Variants in CXCL13 observed in about 807,000 individuals in gnomAD.
CXCL13 encodes the protein C-X-C motif chemokine ligand 13.
In CXCL13, 7 loss-of-function variants were observed where a neutral mutation model predicts 12.2. The ratio of observed to expected loss-of-function variants is 0.57; its 90% CI spans 0.33 to 1.07. CXCL13 has a LOEUF of 1.07. Ranked by LOEUF, CXCL13 falls within the 50% of genes least tolerant of loss-of-function variation. CXCL13 has a pLI of 0.04. For synonymous variants in CXCL13, 47 were observed against 42.4 expected, an observed-to-expected ratio of 1.11 and a Z score of -0.42; for missense variants, 113 against 127.4, an observed-to-expected ratio of 0.89 and a Z score of 0.55.
chr4:77,609,696 G>A (rs1334317396), intron 2 of CXCL13, among the ~76,000 whole-genome samples: 1 of 152,160 alleles, frequency 6.6e-6, no homozygotes, highest in Non-Finnish European at 1.5e-5. Context: ...GAGTCTCCCA[G>A]TTTTCTGCTG....
intron 2 of CXCL13, among the ~76,000 whole-genome samples, chr4:77,609,352 G>T (rs1261985324): frequency 6.6e-6 from 1 of 151,790 alleles, no homozygotes; most frequent in African/African-American, 2.4e-5. Flanking sequence ...TCACTCTGCT[G>T]CCCAGGCTGG....
intron 1 of CXCL13, among the ~76,000 whole-genome samples, chr4:77,546,439 T>C (rs143450344): frequency 1.3e-5 from 2 of 152,222 alleles, no homozygotes; most frequent in African/African-American, 4.8e-5. Context: ...GTTATTGGTC[T>C]ATTCAGGGAT....
intron 1 of CXCL13, among the ~76,000 whole-genome samples, chr4:77,517,809 T>A (rs1047071876): frequency 6.6e-6 from 1 of 152,220 alleles, no homozygotes; most frequent in African/African-American, 2.4e-5. Flanking sequence ...CCATTTACAT[T>A]TAAAGTTAAT....
intron 1 of CXCL13, 147 bp downstream of exon 1, chr4:77,606,076 G>A (rs987674751): frequency 1.3e-4 from 61 of 460,408 alleles, no homozygotes; most frequent in Non-Finnish European, 2.1e-4. Context: ...AAAGTAAGGT[G>A]TTTAGGAATT....
At chr4:77,516,793 G>A (rs183041215) in intron 1 of CXCL13, among the ~76,000 whole-genome samples, 1 of 151,792 alleles carries the variant, frequency 6.6e-6, no homozygotes, top group Admixed American at 6.6e-5. Context: ...AAGGGTTTTT[G>A]TGTCTCTATT....
At chr4:77,535,505 G>T (rs931172536) in intron 1 of CXCL13, among the ~76,000 whole-genome samples, 1 of 152,160 alleles carries the variant, frequency 6.6e-6, no homozygotes, top group African/African-American at 2.4e-5. Context: ...TGAAGTGATG[G>T]AGACTATGTT....
chr4:77,609,100 G>T (rs1474025919), intron 2 of CXCL13, among the ~76,000 whole-genome samples: 1 of 152,156 alleles, frequency 6.6e-6, no homozygotes. Flanking sequence ...GAGTCCAGAT[G>T]ATCAGAAATC....
intron 2 of CXCL13, among the ~76,000 whole-genome samples, chr4:77,608,451 A>AAAAAG (rs1553918624): frequency 2.6e-5 from 4 of 151,984 alleles, no homozygotes; most frequent in East Asian, 1.9e-4. Context: ...AAAAAAAAAA[A>AAAAAG]AAAGAAAGAA....
At chr4:77,549,529 G>A (rs537125048) in intron 1 of CXCL13, among the ~76,000 whole-genome samples, 1 of 152,172 alleles carries the variant, frequency 6.6e-6, no homozygotes, top group African/African-American at 2.4e-5. Flanking sequence ...TGGTGTGGAT[G>A]TTCTTTTGTT....
At chr4:77,595,098 A>ATTT (rs58429511) in intron 1 of CXCL13, among the ~76,000 whole-genome samples, 163 of 141,422 alleles carry the variant, frequency 1.2e-3, no homozygotes, top group African/African-American at 3.8e-3. Flanking sequence ...GTTTTAGGTG[A>ATTT]TTTTTTTTTT....
chr4:77,590,953 C>T (rs965892448), intron 1 of CXCL13, among the ~76,000 whole-genome samples: 1 of 152,160 alleles, frequency 6.6e-6, no homozygotes, highest in Non-Finnish European at 1.5e-5. Flanking sequence ...TACCTTGGCT[C>T]ACTGCAAGGT....
chr4:77,562,814 C>T (rs927590892), intron 1 of CXCL13, among the ~76,000 whole-genome samples: 10 of 152,102 alleles, frequency 6.6e-5, no homozygotes, highest in South Asian at 2.1e-4. Context: ...GGATTGTAAA[C>T]GCATCAATCA....
chr4:77,561,431 A>T (rs779445762), intron 1 of CXCL13, among the ~76,000 whole-genome samples: 8 of 152,202 alleles, frequency 5.3e-5, no homozygotes, highest in Non-Finnish European at 1.0e-4. Flanking sequence ...CACATGTTTG[A>T]TGCTTCATAC....
At chr4:77,576,515 A>G (rs981644152) in intron 1 of CXCL13, among the ~76,000 whole-genome samples, 1 of 152,196 alleles carries the variant, frequency 6.6e-6, no homozygotes. Context: ...CCCCTTGGGA[A>G]AATTGGCCTC....
At chr4:77,562,592 CTG>C (rs1446304694) in intron 1 of CXCL13, among the ~76,000 whole-genome samples, 12 of 142,772 alleles carry the variant, frequency 8.4e-5, no homozygotes, top group Non-Finnish European at 1.6e-4. Flanking sequence ...AATCAGCACT[CTG>C]TGTCTAGCTC....
At chr4:77,592,964 G>T (rs1205686116) in intron 1 of CXCL13, among the ~76,000 whole-genome samples, 1 of 152,204 alleles carries the variant, frequency 6.6e-6, no homozygotes, top group Non-Finnish European at 1.5e-5. Context: ...ACTTAAGTTG[G>T]AAGAAATTCA....
At chr4:77,579,627 G>A (rs1443604005) in intron 1 of CXCL13, among the ~76,000 whole-genome samples, 1 of 152,038 alleles carries the variant, frequency 6.6e-6, no homozygotes, top group African/African-American at 2.4e-5. Context: ...TTCCAAAGTT[G>A]TGTCTCCCTG....
At chr4:77,521,217 T>C (rs566827806) in intron 1 of CXCL13, among the ~76,000 whole-genome samples, 1 of 152,364 alleles carries the variant, frequency 6.6e-6, no homozygotes, top group South Asian at 2.1e-4. Flanking sequence ...GGTATCAGGA[T>C]GATGCTGGCC....
At chr4:77,552,712 T>C (rs1033199420) in intron 1 of CXCL13, among the ~76,000 whole-genome samples, 3 of 152,242 alleles carry the variant, frequency 2.0e-5, no homozygotes, top group Non-Finnish European at 4.4e-5. Context: ...TGCCTAGGCA[T>C]GAAGCTGGGA....
Sources: allele counts gnomAD v4.1 joint callset (sites outside exome capture counted in the v4.1 genomes callset), GRCh38; gene constraint gnomAD v4.1.1; transcripts MANE v1.5; gene names NCBI Gene and HGNC (gene_info 2026-07-23, HGNC 2026-07-21).